The following SPG21 variants were observed in gnomAD, a reference collection of about 807,000 sequenced individuals.
SPG21 encodes the protein maspardin.
Under a neutral mutation model 38.9 loss-of-function variants are expected in SPG21, and 26 were observed. The ratio of observed to expected loss-of-function variants is 0.67; its 90% CI spans 0.49 to 0.93. SPG21 has a LOEUF of 0.93. SPG21 is among the 40% of genes least tolerant of loss of function. The probability of loss-of-function intolerance (pLI) is 0.00; values close to 1 mark genes in which losing one functional copy is unlikely to be tolerated. For missense variants in SPG21, 333 were observed against 376.5 expected, an observed-to-expected ratio of 0.88 and a Z score of 0.96; for synonymous variants, 136 against 128.9, an observed-to-expected ratio of 1.05 and a Z score of -0.37.
In SPG21 at chr15:64,983,535, C is replaced by A. The variant is rs1035807103; in HGVS notation, c.35G>T (p.Trp12Leu). The change falls in exon 2 of 9, where the codon TGG becomes TTG. Residue 12 changes from tryptophan to leucine, a missense_variant. Coordinates refer to ENST00000204566, the MANE Select transcript of SPG21 (RefSeq NM_016630.7). ...TTTAAGGGGAACTGTACCTCTAAAC[C>A]AGTTATAATCAGGAGAGACTTTAAT... ...GEIKVSPDYN[W>L]FRGTVPLKKI... 1 of 1,579,162 alleles carries A rather than the reference C, an allele frequency of 6.3e-7. No homozygotes were observed.
intron 2 of SPG21, among the ~76,000 whole-genome samples, chr15:64,982,659 G>A (rs1449683505): frequency 6.6e-6 from 1 of 152,176 alleles, no homozygotes; most frequent in Non-Finnish European, 1.5e-5. Context: ...GACTTGAACT[G>A]CCTTTGTCTA....
chr15:64,977,791 T>C (rs985917164), intron 3 of SPG21, among the ~76,000 whole-genome samples: 1 of 152,132 alleles, frequency 6.6e-6, no homozygotes, highest in African/African-American at 2.4e-5. Flanking sequence ...CAAACTCATT[T>C]CTAAGGGACT....
At position 64,972,603 on chromosome 15, in the gene SPG21, C is replaced by T. The variant is rs369104418; in HGVS notation, c.452+1999G>A. 4.1e-3 allele frequency among the ~76,000 whole-genome samples: 628 copies of T among 152,250 alleles called. 44 individuals carry two copies. In the South Asian group the frequency reaches 0.12, roughly 30 times the overall value. ...ATCCCAGCACTTTGGGAGGCTGAGG[C>T]GGGCGGATCACGAGGTCAGGAGATC... On this transcript the variant is annotated intron_variant, in intron 5 of 8. Transcript: ENST00000204566.
Position 64,963,465 on chromosome 15 carries a change from C to A in SPG21, c.*155G>T, listed in dbSNP as rs1382356088. The A allele has an allele frequency of 7.4e-6, 5 of 673,680 alleles. No homozygotes were observed. Among genetic ancestry groups the A allele is most frequent in the Non-Finnish European group, 1.3e-5 (5 of 374,732 alleles). The allele number at this position is 673,680 out of a possible 1,614,324, so 41.7% of individuals were successfully genotyped here. ...TTACACAGGCTTAGTGGAGATGCCG[C>A]CTGTCATGAAGATGACCATCAGTCC... is the stretch of plus-strand genomic sequence containing the variant. On this transcript the variant is annotated 3_prime_UTR_variant, in exon 9 of 9. Transcript: ENST00000204566.
intron 2 of SPG21, 71 bp from the exon 3 acceptor site, chr15:64,981,096 A>AT (rs2085876992): frequency 6.3e-7 from 1 of 1,577,700 alleles, no homozygotes; most frequent in East Asian, 2.3e-5. Flanking sequence ...TTACACTGTC[A>AT]TTTCACTGAC....
At chr15:64,983,111 A>T (rs186180634) in intron 2 of SPG21, 264 of 278,752 alleles carry the variant, frequency 9.5e-4, no homozygotes, top group African/African-American at 5.7e-3. Flanking sequence ...TACAAAAATT[A>T]GCTGAGTGTG....
intron 3 of SPG21, among the ~76,000 whole-genome samples, chr15:64,980,160 G>A (rs1347472898): frequency 6.6e-6 from 1 of 152,178 alleles, no homozygotes; most frequent in Non-Finnish European, 1.5e-5. Context: ...AAAATGAGGA[G>A]CAGAAACAGA....
At position 64,974,612 on chromosome 15, in the gene SPG21, T is replaced by G; in HGVS notation, c.442A>C (p.Thr148Pro). The G allele has an allele frequency of 6.2e-7, 1 of 1,614,186 alleles. No individual in the cohort carries two copies. Among genetic ancestry groups the G allele is most frequent in the Non-Finnish European group, 8.5e-7 (1 of 1,180,034 alleles). Residue 148 changes from threonine to proline, a missense_variant, in exon 5 of 9, where the codon ACT becomes CCT. Thr to Pro is a conservative substitution (Grantham distance 38, BLOSUM62 -1). Transcript: ENST00000204566. ...TAATTTTGTTCTTACCTGTTTGCAGTCCAAGTTTGGTTGAAGATAGAGGTG... is the reference window on the plus strand; with the variant it reads ...TAATTTTGTTCTTACCTGTTTGCAGGCCAAGTTTGGTTGAAGATAGAGGTG... Reference protein sequence around the residue: ...SDTSIFNQTWTANSFWLMPAF... With the variant: ...SDTSIFNQTWPANSFWLMPAF...
chr15:64,988,610 G>A (rs1309894577), intron 1 of SPG21: 1 of 152,226 alleles, frequency 6.6e-6, no homozygotes, highest in African/African-American at 2.4e-5. Context: ...AGGAGGAAAA[G>A]GTGCCTACCT....
chr15:64,965,270 G>A, intron 8 of SPG21, 50 bp downstream of exon 8: 1 of 1,612,448 alleles, frequency 6.2e-7, no homozygotes, highest in Non-Finnish European at 8.5e-7. Context: ...TCTTTATGTT[G>A]CAAACATATG....
intron 2 of SPG21, among the ~76,000 whole-genome samples, chr15:64,982,145 T>TTC (rs1236531063): frequency 7.1e-5 from 10 of 141,630 alleles, no homozygotes; most frequent in African/African-American, 2.2e-4. Flanking sequence ...TTCTTTTCTT[T>TTC]TTTTTTTTTT....
At chr15:64,964,666 T>C (rs530606177) in intron 8 of SPG21, among the ~76,000 whole-genome samples, 1 of 152,258 alleles carries the variant, frequency 6.6e-6, no homozygotes, top group East Asian at 1.9e-4. Context: ...AGTCTTGTTC[T>C]GTTGCCCAGG....
intron 2 of SPG21, 194 bp from the exon 3 acceptor site, chr15:64,981,219 C>T (rs1434755938): frequency 3.2e-5 from 20 of 625,496 alleles, no homozygotes; most frequent in Non-Finnish European, 4.7e-5. Context: ...TAACGTATTC[C>T]ACAGAACTAC....
chr15:64,964,306 C>A (rs1374580702), intron 8 of SPG21, among the ~76,000 whole-genome samples: 1 of 152,234 alleles, frequency 6.6e-6, no homozygotes, highest in South Asian at 2.1e-4. Flanking sequence ...GGTGCATGCT[C>A]ATGAGATGTT....
At chr15:64,983,073 C>A in intron 2 of SPG21, 1 of 214,764 alleles carries the variant, frequency 4.7e-6, no homozygotes, top group Non-Finnish European at 1.0e-5. Flanking sequence ...GCCTGGCCAA[C>A]ATGGTGAAAC....
intron 5 of SPG21, among the ~76,000 whole-genome samples, chr15:64,971,488 A>G (rs1566926216): frequency 6.6e-6 from 1 of 151,436 alleles, no homozygotes; most frequent in Non-Finnish European, 1.5e-5. Flanking sequence ...GCAGTGAGCC[A>G]AGATCGTGCC....
intron 8 of SPG21, among the ~76,000 whole-genome samples, chr15:64,965,047 T>C (rs1182864429): frequency 6.6e-6 from 1 of 152,158 alleles, no homozygotes; most frequent in African/African-American, 2.4e-5. Context: ...GAGGGCAAGG[T>C]CACATCATAC....
At chr15:64,980,107 T>C (rs2085853986) in intron 3 of SPG21, among the ~76,000 whole-genome samples, 1 of 152,164 alleles carries the variant, frequency 6.6e-6, no homozygotes, top group Admixed American at 6.5e-5. Context: ...CCCTTTGTTG[T>C]CTAATATTCC....
intron 3 of SPG21, among the ~76,000 whole-genome samples, chr15:64,979,668 GGA>G (rs2085847310): frequency 1.3e-5 from 2 of 152,002 alleles, no homozygotes; most frequent in South Asian, 2.1e-4. Flanking sequence ...CCTTCCAAAA[GGA>G]GAGACGTGAC....
Sources: gnomAD v4.1 joint callset for allele counts (sites outside exome capture counted in the v4.1 genomes callset) on GRCh38, gnomAD v4.1.1 for gene constraint, MANE v1.5 for transcripts, NCBI Gene and HGNC (gene_info 2026-07-23, HGNC 2026-07-21) for gene names.